PCDHGA2: variants seen among roughly 807,000 people sequenced by gnomAD.
The protein encoded by PCDHGA2 is protocadherin gamma subfamily A, 2.
Under a neutral mutation model 59.2 loss-of-function variants are expected in PCDHGA2, and 40 were observed. The ratio of observed to expected loss-of-function variants is 0.68; its 90% CI spans 0.52 to 0.88. PCDHGA2 has a LOEUF of 0.88. Among genes scored for constraint, PCDHGA2 ranks in the 40% least tolerant of loss-of-function variants. PCDHGA2 has a pLI of 0.00. For missense variants in PCDHGA2, 1,226 were observed against 1,204.0 expected (o/e 1.02, Z -0.27); for synonymous variants, 560 against 526.0 (o/e 1.06, Z -0.89).
intron 1 of PCDHGA2, chr5:141,407,995 C>A: frequency 1.2e-6 from 1 of 869,524 alleles, no homozygotes. Flanking sequence ...AGCCTCTGGC[C>A]TGGGATTCCC....
chr5:141,463,467 G>A (rs200270457), intron 1 of PCDHGA2, among the ~76,000 whole-genome samples: 2,116 of 11,250 alleles, frequency 0.19, 39 homozygotes, highest in East Asian at 0.24. Context: ...TTTTTTTTTT[G>A]AGATGGAGTC....
chr5:141,355,452 G>T (rs371481857), intron 1 of PCDHGA2: 5 of 1,613,958 alleles, frequency 3.1e-6, no homozygotes, highest in Non-Finnish European at 4.2e-6. Context: ...GCGGCACCTT[G>T]GTCACCGCGG....
intron 1 of PCDHGA2, chr5:141,410,091 G>A: frequency 8.7e-6 from 14 of 1,612,518 alleles, no homozygotes; most frequent in African/African-American, 1.3e-5. Flanking sequence ...CGCACGGCTC[G>A]AGCCTTAGGC....
chr5:141,346,420 A>T, intron 1 of PCDHGA2: 3 of 1,614,196 alleles, frequency 1.9e-6, no homozygotes, highest in Non-Finnish European at 2.5e-6. Context: ...ATAACTCAGG[A>T]TTTACTTGAA....
At chr5:141,384,541 C>T in intron 1 of PCDHGA2, 2 of 1,614,264 alleles carry the variant, frequency 1.2e-6, no homozygotes, top group Non-Finnish European at 1.7e-6. Context: ...CAACATGTCA[C>T]TGAGCCTGTT....
chr5:141,344,773 A>G (rs773279498), intron 1 of PCDHGA2: 15 of 1,613,904 alleles, frequency 9.3e-6, no homozygotes, highest in Non-Finnish European at 1.3e-5. Flanking sequence ...CAGCCTGAGT[A>G]CCGTGTGAGT....
At chr5:141,482,901 A>G (rs192886570) in intron 1 of PCDHGA2, among the ~76,000 whole-genome samples, 1 of 152,122 alleles carries the variant, frequency 6.6e-6, no homozygotes, top group Admixed American at 6.6e-5. Context: ...GTGAAACCTC[A>G]TCTCTATTAA....
At chr5:141,482,234 A>G (rs11748256) in intron 1 of PCDHGA2, among the ~76,000 whole-genome samples, 44,758 of 152,044 alleles carry the variant, frequency 0.29, 7,110 homozygotes, top group African/African-American at 0.42. Context: ...GAAATTGCCA[A>G]TATAAGTATA....
In PCDHGA2 at chr5:141,476,258, G is replaced by A. The variant is rs1247889010; in HGVS notation, c.2425-18549G>A. 1 of 1,614,018 alleles carries A rather than the reference G, an allele frequency of 6.2e-7. No individual in the cohort carries two copies. Among genetic ancestry groups the A allele is most frequent in the South Asian group, 1.1e-5 (1 of 91,066 alleles). Reference sequence around the variant, plus strand: ...GGAAAGAGAGAAGGGTTTCGCTGTGGGCAACGTGGTCGCGAACCTTGGTTT... The same window carrying A: ...GGAAAGAGAGAAGGGTTTCGCTGTGAGCAACGTGGTCGCGAACCTTGGTTT... On this transcript the variant is annotated intron_variant, in intron 1 of 3. Coordinates refer to ENST00000394576, the MANE Select transcript of PCDHGA2 (RefSeq NM_018915.4). This position sits in a 1 kb window ranked among gnomAD's most constrained non-coding sequence, Gnocchi z 7.6.
chr5:141,383,492 G>C (rs1012277194), intron 1 of PCDHGA2: 3 of 1,613,178 alleles, frequency 1.9e-6, no homozygotes, highest in Non-Finnish European at 2.5e-6. Flanking sequence ...GTGCTGGAGC[G>C]GGTGCTGGAC....
intron 1 of PCDHGA2, chr5:141,372,829 T>C (rs1769106539): frequency 6.5e-7 from 1 of 1,550,378 alleles, no homozygotes; most frequent in Admixed American, 2.0e-5. Flanking sequence ...TTCAAACCTT[T>C]CCTTCCATAA....
intron 1 of PCDHGA2, chr5:141,403,605 G>A (rs2094432434): frequency 6.2e-7 from 1 of 1,613,690 alleles, no homozygotes; most frequent in Admixed American, 1.7e-5. Context: ...TCGGATGGCG[G>A]CGAGCCGCGT....
chr5:141,357,262 G>A, intron 1 of PCDHGA2: 1 of 1,613,786 alleles, frequency 6.2e-7, no homozygotes, highest in East Asian at 2.2e-5. Context: ...AGACGACTCG[G>A]GCCTCACACT....
intron 1 of PCDHGA2, chr5:141,423,330 C>G (rs932335651): frequency 9.9e-6 from 16 of 1,614,056 alleles, no homozygotes; most frequent in Middle Eastern, 1.6e-4. Flanking sequence ...TGGCCGCAGT[C>G]TCCTGCATCT....
chr5:141,393,565 T>G, intron 1 of PCDHGA2: 1 of 1,613,912 alleles, frequency 6.2e-7, no homozygotes, highest in Non-Finnish European at 8.5e-7. Context: ...CGAGTGAAAG[T>G]CCTTGAGAAC....
At chr5:141,388,324 A>T in intron 1 of PCDHGA2, 1 of 1,613,978 alleles carries the variant, frequency 6.2e-7, no homozygotes, top group East Asian at 2.2e-5. Flanking sequence ...GAGTCTGCAC[A>T]GCCTGGCACA....
At chr5:141,469,893 A>G (rs2099214569) in intron 1 of PCDHGA2, among the ~76,000 whole-genome samples, 1 of 152,200 alleles carries the variant, frequency 6.6e-6, no homozygotes, top group South Asian at 2.1e-4. Context: ...CACTTTGGGA[A>G]GCCGAGGCAG....
chr5:141,370,872 C>T (rs201155008), intron 1 of PCDHGA2: 244 of 1,613,896 alleles, frequency 1.5e-4, no homozygotes, highest in Non-Finnish European at 1.9e-4. Flanking sequence ...TGCGCAAGAT[C>T]CTGATGTAGG....
rs533568792 is a variant in PCDHGA2 at position 141,393,506 on chromosome 5, A to G, written c.2424+52111A>G. The G allele has an allele frequency of 7.4e-6, 12 of 1,614,032 alleles. No individual in the cohort carries two copies. The East Asian group carries it at 2.5e-4, about 33-fold the overall frequency. ...CTAGCACAGTGCGCATCCACGTGAC[A>G]GTGTTGGATACAAATGACAATGCCC... On this transcript the variant is annotated intron_variant, in intron 1 of 3. Transcript: ENST00000394576.
Sources: gnomAD v4.1 joint callset for allele counts (sites outside exome capture counted in the v4.1 genomes callset) on GRCh38, gnomAD v4.1.1 for gene constraint, Gnocchi (gnomAD v3.1) non-coding constraint, MANE v1.5 for transcripts, NCBI Gene and HGNC (gene_info 2026-07-23, HGNC 2026-07-21) for gene names.